Variants in CXADR observed in about 807,000 individuals in gnomAD.
The protein encoded by CXADR is CXADR cell adhesion molecule, also known as coxsackievirus and adenovirus receptor.
A neutral mutation model predicts 40.3 loss-of-function variants in CXADR; 20 were observed. The ratio of observed to expected loss-of-function variants is 0.50; its 90% CI spans 0.35 to 0.72. The LOEUF (loss-of-function observed/expected upper bound fraction) is 0.72. CXADR is among the 30% of genes least tolerant of loss of function. CXADR has a pLI of 0.01. For synonymous variants in CXADR, 150 were observed against 161.3 expected, an observed-to-expected ratio of 0.93 and a Z score of 0.53; for missense variants, 332 against 449.1, an observed-to-expected ratio of 0.74 and a Z score of 2.36.
chr21:17,538,290 G>A (rs545475945), intron 1 of CXADR, among the ~76,000 whole-genome samples: 1 of 152,238 alleles, frequency 6.6e-6, no homozygotes, highest in East Asian at 1.9e-4. Context: ...GTGAGCCACC[G>A]CGCCCAGCAA....
In CXADR at chr21:17,513,047, G is replaced by A. The variant is rs543327591; in HGVS notation, c.-83G>A. 9.6e-4 allele frequency: 1,217 copies of A among 1,261,626 alleles called. 2 individuals are homozygous for A. Among genetic ancestry groups the A allele is most frequent in the Admixed American group, 2.5e-3 (60 of 23,828 alleles). The allele number at this position is 1,261,626 out of a possible 1,614,324, so 78.2% of individuals were successfully genotyped here. ...GTGCCGCCGCCGCCGCGAGCCAGTC[G>A]GGAGCGCGCGAGGCGCGGGGAGCCT... On this transcript the variant is annotated 5_prime_UTR_variant, in exon 1 of 7. Transcript: ENST00000284878.
downstream of CXADR, chr21:17,593,868 A>AC: frequency 3.7e-6 from 2 of 542,042 alleles, no homozygotes; most frequent in Non-Finnish European, 6.2e-6. Flanking sequence ...AATATTAAAA[A>AC]CTTAGGCACT....
chr21:17,559,673 T>G lies in CXADR; in HGVS notation c.571+542T>G, dbSNP rs373380607. ...TACTTTGGTACTTTTTTTTGGGTTT[T>G]TTTTTTTTTTTTTTTTTTCCGAGAC... On this transcript the variant is annotated intron_variant, in intron 4 of 6. Transcript: ENST00000284878. Among the ~76,000 whole-genome samples the G allele has an allele frequency of 8.6e-4, 98 of 113,926 alleles. 2 individuals are homozygous for G. Among genetic ancestry groups the G allele is most frequent in the South Asian group, 2.8e-3 (10 of 3,540 alleles). 74.7% of individuals were successfully genotyped at this position (113,926 alleles called of 152,430 possible). A position where few individuals can be genotyped will look rare whatever the true frequency, so the allele number is the denominator to read the frequency against.
intron 6 of CXADR, among the ~76,000 whole-genome samples, chr21:17,562,547 C>G (rs531081908): frequency 6.6e-6 from 1 of 152,336 alleles, no homozygotes; most frequent in African/African-American, 2.4e-5. Flanking sequence ...GTCTCGAACT[C>G]CTGGGCTGCA....
chr21:17,557,504 G>C (rs2061051976), intron 3 of CXADR, among the ~76,000 whole-genome samples: 1 of 152,136 alleles, frequency 6.6e-6, no homozygotes, highest in African/African-American at 2.4e-5. Flanking sequence ...GTCCTCACTA[G>C]TCAATCTGAT....
At chr21:17,593,124 A>AGCT in intron 7 of CXADR, 1 of 1,391,310 alleles carries the variant, frequency 7.2e-7, no homozygotes, top group South Asian at 1.8e-5. Context: ...AAACTCTTAT[A>AGCT]GAGATATCTC....
At position 17,567,862 on chromosome 21, in the gene CXADR, C is replaced by CTTTT; in HGVS notation, c.*2178_*2181dup. On this transcript the variant is annotated 3_prime_UTR_variant, in exon 7 of 7. Transcript: ENST00000284878. The stretch of plus-strand genomic sequence containing the variant: ...GTGGACACGTATAAGACTTTCCTTC[C>CTTTT]TTTTTTTTTTTAATAACATATGAGG... 1.2e-6 allele frequency: 1 copy of CTTTT among 821,530 alleles called. No individual in the cohort carries two copies. Among genetic ancestry groups the CTTTT allele is most frequent in the Non-Finnish European group, 1.5e-6 (1 of 684,332 alleles). 50.9% of individuals were successfully genotyped at this position (821,530 alleles called of 1,614,324 possible).
chr21:17,597,614 C>T (rs1014427789), downstream of CXADR, among the ~76,000 whole-genome samples: 1 of 151,678 alleles, frequency 6.6e-6, no homozygotes, highest in Admixed American at 6.6e-5. Flanking sequence ...TTTCATAAAG[C>T]CAGGTACATG....
intron 7 of CXADR, among the ~76,000 whole-genome samples, chr21:17,592,749 G>GA (rs1265114647): frequency 1.3e-5 from 2 of 151,808 alleles, no homozygotes; most frequent in Non-Finnish European, 2.9e-5. Flanking sequence ...TAGATTTCAG[G>GA]AAAAGAGTAG....
Position 17,559,043 on chromosome 21 carries a change from A to G in CXADR, c.483A>G (p.Lys161=). 2.5e-6 allele frequency: 4 copies of G among 1,614,176 alleles called. No homozygotes were observed. The South Asian group carries it at 3.3e-5, about 13-fold the overall frequency. ...SEEIGSDFKI[K]CEPKEGSLPL... is the part of the protein sequence containing the mutation. ...AAATTGGAAGTGACTTTAAGATAAA[A>G]TGTGAACCAAAAGAAGGTTCACTTC... Residue 161 remains lysine, a synonymous_variant, in exon 4 of 7, where the codon AAA becomes AAG. Coordinates refer to ENST00000284878, the MANE Select transcript of CXADR (RefSeq NM_001338.5).
At chr21:17,596,125 T>C (rs572843386), downstream of CXADR, among the ~76,000 whole-genome samples, 117 of 152,142 alleles carry the variant, frequency 7.7e-4, 1 homozygote, top group African/African-American at 2.5e-3. Context: ...TTATTTTTCA[T>C]TGAATCATTT....
chr21:17,592,219 A>G (rs2061443728), intron 7 of CXADR, among the ~76,000 whole-genome samples: 1 of 151,878 alleles, frequency 6.6e-6, no homozygotes, highest in African/African-American at 2.4e-5. Flanking sequence ...TTTTCCCAAC[A>G]AACCTATATA....
At chr21:17,571,467 A>T (rs1008913404), downstream of CXADR, among the ~76,000 whole-genome samples, 1 of 152,236 alleles carries the variant, frequency 6.6e-6, no homozygotes, top group African/African-American at 2.4e-5. Flanking sequence ...TATAGCTCTA[A>T]TGGCTGGATC....
At position 17,565,544 on chromosome 21, in the gene CXADR, A is replaced by T. The variant is rs770584912; in HGVS notation, c.950A>T (p.Gln317Leu). 6.2e-6 allele frequency: 10 copies of T among 1,613,816 alleles called. No homozygotes were observed. The highest frequency in any genetic ancestry group is 1.6e-4 in the Middle Eastern group (1 of 6,072). The change falls in exon 7 of 7, where the codon CAG (glutamine) becomes CTG (leucine). Residue 317 changes from glutamine (Q) to leucine (L), a missense_variant. By Grantham distance (113) the Gln-to-Leu change is moderately radical. Around this residue, in one of 3 missense-constraint regions of CXADR, gnomAD observed 150 missense variants for 194.2 expected, o/e 0.77. Coordinates refer to ENST00000284878, the MANE Select transcript of CXADR (RefSeq NM_001338.5). ...AACATGGAAGGATATTCCAAGACTC[A>T]GTATAACCAAGTACCAAGTGAAGAC... ...PSNMEGYSKT[Q>L]YNQVPSEDFE... is the part of the protein sequence containing the mutation.
the CXADR span, among the ~76,000 whole-genome samples, chr21:17,618,470 G>T: frequency 6.6e-6 from 1 of 152,016 alleles, no homozygotes; most frequent in East Asian, 1.9e-4. Context: ...AATTTACTTC[G>T]CTCAGAGCCA....
intron 1 of CXADR, among the ~76,000 whole-genome samples, chr21:17,520,282 C>T (rs1365957707): frequency 6.6e-6 from 1 of 152,132 alleles, no homozygotes; most frequent in Non-Finnish European, 1.5e-5. Flanking sequence ...ACAGCTTTTG[C>T]AAAGACATAG....
intron 1 of CXADR, among the ~76,000 whole-genome samples, chr21:17,533,777 T>TGGGG (rs996124494): frequency 6.6e-6 from 1 of 151,888 alleles, no homozygotes; most frequent in Admixed American, 6.6e-5. Flanking sequence ...GATTTCTCAT[T>TGGGG]GGGGATAGGG....
intron 7 of CXADR, among the ~76,000 whole-genome samples, chr21:17,585,172 A>C (rs977771094): frequency 6.6e-6 from 1 of 152,184 alleles, no homozygotes; most frequent in African/African-American, 2.4e-5. Flanking sequence ...TCTGGACTTT[A>C]AATGAATACT....
chr21:17,578,654 C>T (rs2061338325), intron 7 of CXADR, among the ~76,000 whole-genome samples: 1 of 152,132 alleles, frequency 6.6e-6, no homozygotes, highest in East Asian at 1.9e-4. Flanking sequence ...CATGGCAAAG[C>T]CCCATCTCTA....
Sources: allele counts gnomAD v4.1 joint callset (sites outside exome capture counted in the v4.1 genomes callset), GRCh38; gene constraint gnomAD v4.1.1; regional missense constraint gnomAD v4.1.1; transcripts MANE v1.5; gene names NCBI Gene and HGNC (gene_info 2026-07-23, HGNC 2026-07-21).